SHISA6: variants seen among roughly 807,000 people sequenced by gnomAD.
The protein encoded by SHISA6 is protein shisa-6.
SHISA6 carries 22 observed loss-of-function variants against 47.9 expected under a neutral mutation model. That is an observed-to-expected ratio of 0.46 (90% CI 0.33 to 0.66). The LOEUF is 0.66. Ranked by LOEUF, SHISA6 falls within the 30% of genes least tolerant of loss-of-function variation. The pLI is 0.02. For missense variants in SHISA6, 680 were observed against 764.6 expected (o/e 0.89, Z 1.30); for synonymous variants, 388 against 337.8 (o/e 1.15, Z -1.63).
At position 11,369,750 on chromosome 17, in the gene SHISA6, A is replaced by G. The variant is rs114697624; in HGVS notation, c.800-9664A>G. ...GCCAGGGTCCTGCTTATGACAATGC[A>G]ACAGCTCTGGGATGCTGACCAGTCA... On this transcript the variant is annotated intron_variant, in intron 2 of 5. Coordinates refer to ENST00000441885, the MANE Select transcript of SHISA6 (RefSeq NM_207386.4). Among the ~76,000 whole-genome samples the G allele has an allele frequency of 3.8e-3, 584 of 152,364 alleles. 3 individuals carry two copies. The highest frequency in any genetic ancestry group is 0.014 in the African/African-American group (562 of 41,588).
chr17:11,475,267 C>G (rs1202926355), intron 3 of SHISA6, among the ~76,000 whole-genome samples: 1 of 152,040 alleles, frequency 6.6e-6, no homozygotes, highest in Non-Finnish European at 1.5e-5. Flanking sequence ...AATCTGTATA[C>G]TTTGTTTCCT....
chr17:11,489,228 C>G (rs1470552224), intron 3 of SHISA6, among the ~76,000 whole-genome samples: 1 of 152,096 alleles, frequency 6.6e-6, no homozygotes, highest in African/African-American at 2.4e-5. Context: ...CACAGTGCTT[C>G]TCGGGGCCCC....
intron 3 of SHISA6, among the ~76,000 whole-genome samples, chr17:11,407,020 T>C (rs1253240784): frequency 6.6e-6 from 1 of 152,176 alleles, no homozygotes; most frequent in Non-Finnish European, 1.5e-5. Context: ...CCAATCTAAA[T>C]AGCATTAGCA....
chr17:11,358,505 G>A (rs1324807895), intron 2 of SHISA6, among the ~76,000 whole-genome samples: 2 of 151,190 alleles, frequency 1.3e-5, no homozygotes, highest in Non-Finnish European at 3.0e-5. Flanking sequence ...GACTACAGGC[G>A]CCCGCCACTA....
At chr17:11,341,236 C>G (rs1160894957) in intron 2 of SHISA6, among the ~76,000 whole-genome samples, 1 of 151,582 alleles carries the variant, frequency 6.6e-6, no homozygotes, top group Non-Finnish European at 1.5e-5. Context: ...ATAAAAATGA[C>G]AAGGATCATG....
chr17:11,539,548 G>A (rs1223841374), intron 3 of SHISA6, among the ~76,000 whole-genome samples: 3 of 152,184 alleles, frequency 2.0e-5, no homozygotes. Flanking sequence ...AGATAAACCT[G>A]CTACCAAACG....
intron 3 of SHISA6, among the ~76,000 whole-genome samples, chr17:11,513,210 GTA>G (rs1567625921): frequency 3.7e-4 from 54 of 144,198 alleles, no homozygotes; most frequent in African/African-American, 1.1e-3. Context: ...GTGTATATAT[GTA>G]TGTGTTATAT....
At chr17:11,268,981 C>T (rs1457136295) in intron 2 of SHISA6, among the ~76,000 whole-genome samples, 2 of 151,964 alleles carry the variant, frequency 1.3e-5, no homozygotes, top group African/African-American at 4.8e-5. Context: ...ATAGGCTGGT[C>T]ACCAGCCAGC....
chr17:11,267,948 A>G (rs1908487752), intron 2 of SHISA6, among the ~76,000 whole-genome samples: 1 of 152,160 alleles, frequency 6.6e-6, no homozygotes, highest in Admixed American at 6.5e-5. Context: ...CCCTGAGTCC[A>G]GCACCTTAGA....
At chr17:11,260,588 TA>T (rs1300960634) in intron 1 of SHISA6, among the ~76,000 whole-genome samples, 1 of 151,996 alleles carries the variant, frequency 6.6e-6, no homozygotes, top group African/African-American at 2.4e-5. Flanking sequence ...CTCTGTGGCT[TA>T]CTCTCCCTCT....
intron 2 of SHISA6, among the ~76,000 whole-genome samples, chr17:11,281,084 TACAA>T (rs1228376734): frequency 2.0e-5 from 3 of 152,230 alleles, no homozygotes; most frequent in Admixed American, 6.5e-5. Context: ...TTAGAATTTT[TACAA>T]ACAATTATAC....
intron 3 of SHISA6, among the ~76,000 whole-genome samples, chr17:11,484,611 C>T (rs1430379321): frequency 6.6e-6 from 1 of 152,114 alleles, no homozygotes; most frequent in Non-Finnish European, 1.5e-5. Flanking sequence ...GTTGGCCAGG[C>T]TGGTCTTGAA....
Position 11,555,869 on chromosome 17 carries a change from A to C in SHISA6, c.1082A>C (p.Lys361Thr). 2.6e-6 allele frequency: 4 copies of C among 1,547,250 alleles called. No individual in the cohort carries two copies. Among genetic ancestry groups the C allele is most frequent in the Non-Finnish European group, 3.5e-6 (4 of 1,145,374 alleles). ...YESAVKTNPSKYSSLKRLTDK... is the reference protein window; with the variant it reads ...YESAVKTNPSTYSSLKRLTDK... ...TCTGCAGTAAAGACCAACCCCAGCA[A>C]GTATTCATCTCTGAAGAGGCTAAGT... Residue 361 changes from lysine to threonine, a missense_variant, in exon 5 of 6, where the codon AAG (lysine) becomes ACG (threonine). Lys to Thr is a moderately conservative substitution (Grantham distance 78). Around this residue, in one of 2 missense-constraint regions of SHISA6, gnomAD observed 559 missense variants for 674.1 expected, o/e 0.83. Transcript: ENST00000441885.
At chr17:11,485,486 A>G (rs1916324164) in intron 3 of SHISA6, among the ~76,000 whole-genome samples, 1 of 152,168 alleles carries the variant, frequency 6.6e-6, no homozygotes, top group Admixed American at 6.5e-5. Flanking sequence ...TGCCTTTGCC[A>G]TACCCAAAGC....
chr17:11,386,197 G>A (rs113730757), intron 3 of SHISA6, among the ~76,000 whole-genome samples: 3,079 of 152,192 alleles, frequency 0.02, 92 homozygotes, highest in African/African-American at 0.059. Flanking sequence ...CCAACATGGC[G>A]AAACCCCGTC....
intron 3 of SHISA6, among the ~76,000 whole-genome samples, chr17:11,415,057 C>T (rs1328613798): frequency 2.1e-5 from 3 of 145,482 alleles, no homozygotes; most frequent in South Asian, 4.3e-4. Context: ...CAGCCTGGGG[C>T]GACAAGAGCA....
At chr17:11,504,033 C>T (rs1318941391) in intron 3 of SHISA6, among the ~76,000 whole-genome samples, 1 of 152,192 alleles carries the variant, frequency 6.6e-6, no homozygotes, top group Non-Finnish European at 1.5e-5. Flanking sequence ...GGGAGATGCT[C>T]ACTTATCTGG....
rs552041240 is a variant in SHISA6, at chr17:11,533,783, G to A, written c.896-18113G>A. 7.3e-5 allele frequency among the ~76,000 whole-genome samples: 11 copies of A among 149,804 alleles called. No homozygotes were observed. The South Asian group carries it at 1.1e-3, about 14-fold the overall frequency. ...AATTTTTTGTATTTTTAGTAGAGAC[G>A]GGGTTTCACTGTGTTAGCCAGGATG... On this transcript the variant is annotated intron_variant, in intron 3 of 5. Transcript: ENST00000441885.
chr17:11,409,261 A>T (rs1391528620), intron 3 of SHISA6, among the ~76,000 whole-genome samples: 1 of 152,222 alleles, frequency 6.6e-6, no homozygotes, highest in Admixed American at 6.5e-5. Context: ...ATGTTGTTCT[A>T]TAGAGAATAC....
Sources: gnomAD v4.1 joint callset for allele counts (sites outside exome capture counted in the v4.1 genomes callset) on GRCh38, gnomAD v4.1.1 for gene constraint, gnomAD v4.1.1 regional missense constraint, MANE v1.5 for transcripts, NCBI Gene and HGNC (gene_info 2026-07-23, HGNC 2026-07-21) for gene names.